FAT4: variants seen among roughly 807,000 people sequenced by gnomAD.
The protein encoded by FAT4 is FAT atypical cadherin 4, also known as protocadherin Fat 4.
FAT4 carries 84 observed loss-of-function variants against 303.9 expected under a neutral mutation model. The ratio of observed to expected loss-of-function variants is 0.28; its 90% confidence interval spans 0.23 to 0.33. The LOEUF (loss-of-function observed/expected upper bound fraction) is 0.33, where lower values mean the gene tolerates loss of function less well. Among genes scored for constraint, FAT4 ranks in the 10% least tolerant of loss-of-function variants. The pLI is 1.00. For missense variants in FAT4, 6,005 were observed against 6,146.8 expected (o/e 0.98, Z 0.77); for synonymous variants, 2,307 against 2,298.8 (o/e 1.00, Z -0.10).
chr4:125,349,040 G>A (rs1454753280), intron 2 of FAT4, among the ~76,000 whole-genome samples: 1 of 151,704 alleles, frequency 6.6e-6, no homozygotes, highest in Non-Finnish European at 1.5e-5. Flanking sequence ...TCGTTACCAC[G>A]ATTAGGAAAG....
At chr4:125,344,786 T>A (rs1208715372) in intron 2 of FAT4, among the ~76,000 whole-genome samples, 7 of 152,056 alleles carry the variant, frequency 4.6e-5, no homozygotes, top group African/African-American at 1.4e-4. Context: ...ACCCCATTGA[T>A]AAATTACTTG....
At chr4:125,383,774 G>A (rs1733628124) in intron 2 of FAT4, among the ~76,000 whole-genome samples, 1 of 152,138 alleles carries the variant, frequency 6.6e-6, no homozygotes, top group Non-Finnish European at 1.5e-5. Flanking sequence ...ACAAGGGACT[G>A]ACAACTCAAT....
intron 2 of FAT4, among the ~76,000 whole-genome samples, chr4:125,382,031 T>C (rs1733561264): frequency 2.6e-5 from 4 of 152,234 alleles, no homozygotes; most frequent in Admixed American, 2.6e-4. Flanking sequence ...GCTCTACTTC[T>C]AATTCTAGTT....
chr4:125,346,571 T>C (rs188076613), intron 2 of FAT4, among the ~76,000 whole-genome samples: 1 of 152,166 alleles, frequency 6.6e-6, no homozygotes, highest in East Asian at 1.9e-4. Flanking sequence ...ATGGCTATAA[T>C]TAAATCATGC....
chr4:125,358,808 G>A (rs1176128886), intron 2 of FAT4, among the ~76,000 whole-genome samples: 1 of 152,108 alleles, frequency 6.6e-6, no homozygotes, highest in African/African-American at 2.4e-5. Flanking sequence ...TGTTTGTGAA[G>A]ATTTGATGTG....
chr4:125,400,326 G>A (rs1006470431), intron 3 of FAT4, among the ~76,000 whole-genome samples: 3 of 151,858 alleles, frequency 2.0e-5, no homozygotes, highest in Admixed American at 2.0e-4. Flanking sequence ...AATTGCATTT[G>A]GAAATTTAGT....
chr4:125,385,015 TATATATA>T (rs1733683138), intron 2 of FAT4, among the ~76,000 whole-genome samples: 1 of 62,260 alleles, frequency 1.6e-5, no homozygotes, highest in African/African-American at 4.8e-5. Flanking sequence ...TATATATATA[TATATATA>T]TATTTTTTTT....
chr4:125,444,270 T>C (rs2126052948), intron 8 of FAT4, among the ~76,000 whole-genome samples: 1 of 152,228 alleles, frequency 6.6e-6, no homozygotes, highest in South Asian at 2.1e-4. Context: ...CTGCTTTTGG[T>C]GAGTGCTTCC....
At chr4:125,485,001 C>T (rs924764896) in intron 16 of FAT4, among the ~76,000 whole-genome samples, 6 of 151,882 alleles carry the variant, frequency 4.0e-5, no homozygotes, top group Non-Finnish European at 8.8e-5. Flanking sequence ...TACAGGTGTG[C>T]GTAACCATGC....
intron 5 of FAT4, among the ~76,000 whole-genome samples, chr4:125,412,876 C>T (rs1255681761): frequency 1.3e-5 from 2 of 151,752 alleles, no homozygotes; most frequent in African/African-American, 4.8e-5. Flanking sequence ...GTTTTCATAA[C>T]TGCATTTCTC....
chr4:125,484,822 A>G (rs1727352088), intron 16 of FAT4, among the ~76,000 whole-genome samples: 1 of 152,112 alleles, frequency 6.6e-6, no homozygotes, highest in Admixed American at 6.6e-5. Context: ...AAAAAGGTAC[A>G]GTAAAAAGGC....
intron 2 of FAT4, among the ~76,000 whole-genome samples, chr4:125,349,119 T>C (rs776504829): frequency 2.0e-5 from 3 of 151,766 alleles, no homozygotes; most frequent in Non-Finnish European, 2.9e-5. Flanking sequence ...AAATTAGGAC[T>C]CTTAAGTCTA....
At chr4:125,477,450 T>G in intron 14 of FAT4, 116 bp downstream of exon 14, 1 of 965,488 alleles carries the variant, frequency 1.0e-6, no homozygotes. Context: ...CCAAATGATT[T>G]ACATTGTTTT....
At chr4:125,422,812 A>C (rs1724952842) in intron 7 of FAT4, among the ~76,000 whole-genome samples, 1 of 152,162 alleles carries the variant, frequency 6.6e-6, no homozygotes, top group Non-Finnish European at 1.5e-5. Context: ...AGAATAAGAG[A>C]GAAAAATGTT....
At chr4:125,398,227 TAG>T (rs999840537) in intron 2 of FAT4, among the ~76,000 whole-genome samples, 3 of 152,220 alleles carry the variant, frequency 2.0e-5, no homozygotes, top group East Asian at 1.9e-4. Context: ...TAGTCACAAA[TAG>T]AGAGTGCTGA....
At position 125,489,995 on chromosome 4, in the gene FAT4, T is replaced by C. The variant is rs376657630; in HGVS notation, c.13179T>C (p.Asp4393=). 3.9e-5 allele frequency: 63 copies of C among 1,613,924 alleles called. 1 individual carries two copies. In the African/African-American group the frequency reaches 4.4e-4, roughly 11 times the overall value. ...GCTTGGCCTCCATCTCAAAAACAGATCCCTCAGTGAAGATTGGCTGCCGTG... is the reference window on the plus strand; with the variant it reads ...GCTTGGCCTCCATCTCAAAAACAGACCCCTCAGTGAAGATTGGCTGCCGTG... The part of the protein sequence containing the change: ...KHSLASISKT[D]PSVKIGCRGP... Residue 4393 remains aspartate (D), a synonymous_variant, in exon 18 of 18, where the codon GAT becomes GAC. Coordinates refer to ENST00000394329, the MANE Select transcript of FAT4 (RefSeq NM_001291303.3).
chr4:125,485,859 G>A (rs779027482), intron 16 of FAT4, among the ~76,000 whole-genome samples: 39 of 152,200 alleles, frequency 2.6e-4, no homozygotes, highest in Middle Eastern at 3.4e-3. Context: ...TAGGTCACTA[G>A]GCAATAATAA....
intron 2 of FAT4, among the ~76,000 whole-genome samples, chr4:125,358,451 G>C (rs950229841): frequency 8.5e-5 from 13 of 152,108 alleles, no homozygotes; most frequent in African/African-American, 2.7e-4. Flanking sequence ...CCTGCAACTA[G>C]ATGTTCCCAT....
At chr4:125,469,832 A>G (rs1486919512) in intron 12 of FAT4, among the ~76,000 whole-genome samples, 1 of 152,114 alleles carries the variant, frequency 6.6e-6, no homozygotes, top group Non-Finnish European at 1.5e-5. Context: ...AATATTTGAT[A>G]TTTTGACCTC....
Sources: gnomAD v4.1 joint callset for allele counts (sites outside exome capture counted in the v4.1 genomes callset) on GRCh38, gnomAD v4.1.1 for gene constraint, MANE v1.5 for transcripts, NCBI Gene and HGNC (gene_info 2026-07-23, HGNC 2026-07-21) for gene names.